The following PANK3 variants were observed in gnomAD, a reference collection of about 807,000 sequenced individuals.
PANK3 encodes hPanK3.
A neutral mutation model predicts 39.4 loss-of-function variants in PANK3; 20 were observed. That is an observed-to-expected ratio of 0.51 (90% confidence interval 0.36 to 0.74). The LOEUF is 0.74. Among genes scored for constraint, PANK3 ranks in the 30% least tolerant of loss-of-function variants. The pLI is 0.00. For missense variants in PANK3, 265 were observed against 437.0 expected, an observed-to-expected ratio of 0.61 and a Z score of 3.51; for synonymous variants, 140 against 157.3, an observed-to-expected ratio of 0.89 and a Z score of 0.82.
rs1445090485 is a variant in PANK3, at chr5:168,551,068, G to A, written c.*6503C>T. The A allele has an allele frequency of 1.3e-5, 2 of 152,136 alleles. No individual in the cohort carries two copies. The highest frequency in any genetic ancestry group is 2.4e-5 in the African/African-American group (1 of 41,454). 9.4% of individuals were successfully genotyped at this position (152,136 alleles called of 1,614,324 possible). A position where few individuals can be genotyped will look rare whatever the true frequency, so the allele number is the denominator to read the frequency against. On this transcript the variant is annotated 3_prime_UTR_variant, in exon 7 of 7. Transcript: ENST00000239231. ...TTCACACCACCATTATCGTGAATGG[G>A]CTATCCAAATACTCTTAACAGAAGG...
chr5:168,577,073 G>A (rs1561844190), intron 1 of PANK3, among the ~76,000 whole-genome samples: 1 of 151,144 alleles, frequency 6.6e-6, no homozygotes, highest in East Asian at 2.0e-4. Flanking sequence ...TAGAGATGGG[G>A]TTTCACCATG....
Position 168,557,225 on chromosome 5 carries a change from C to T in PANK3, c.*346G>A, listed in dbSNP as rs754996189. On this transcript the variant is annotated 3_prime_UTR_variant, in exon 7 of 7. Transcript: ENST00000239231. ...CAGACTTGTAACAAATATTCAGAGT[C>T]GATTATTTTCATAAGCTAAACAGTT... 3.6e-5 allele frequency: 7 copies of T among 193,634 alleles called. No individual in the cohort carries two copies. Among genetic ancestry groups the T allele is most frequent in the South Asian group, 1.5e-4 (1 of 6,532 alleles). 12.0% of individuals were successfully genotyped at this position (193,634 alleles called of 1,614,324 possible). A position where few individuals can be genotyped will look rare whatever the true frequency, so the allele number is the denominator to read the frequency against.
chr5:168,573,674 C>G (rs527819434), intron 1 of PANK3, among the ~76,000 whole-genome samples: 156 of 112,840 alleles, frequency 1.4e-3, no homozygotes, highest in African/African-American at 4.9e-3. Context: ...CCCCTCCCCC[C>G]ACCCCACAAC....
At chr5:168,561,275 G>T (rs1053238880) in intron 5 of PANK3, 118 bp downstream of exon 5, 1 of 803,510 alleles carries the variant, frequency 1.2e-6, no homozygotes, top group Non-Finnish European at 1.9e-6. Context: ...GGCATTTAAT[G>T]GGTTACATCT....
rs1346707483 is a variant in PANK3 at position 168,555,734 on chromosome 5, G to T, written c.*1837C>A. ...GGTAGTGGCTACTGCACTGGACATC[G>T]AAGTTCTAGAACTCTCTCTTACAAA... On this transcript the variant is annotated 3_prime_UTR_variant, in exon 7 of 7. Transcript: ENST00000239231. 1 of 152,176 alleles carries T rather than the reference G, an allele frequency of 6.6e-6. No homozygotes were observed. Among genetic ancestry groups the T allele is most frequent in the Non-Finnish European group, 1.5e-5 (1 of 68,020 alleles). 9.4% of individuals were successfully genotyped at this position (152,176 alleles called of 1,614,324 possible).
chr5:168,566,298 G>T, intron 2 of PANK3, 32 bp from the exon 3 acceptor site: 4 of 1,553,122 alleles, frequency 2.6e-6, no homozygotes, highest in Non-Finnish European at 3.5e-6. Flanking sequence ...AACAAAAAAG[G>T]ATGACATTCA....
intron 1 of PANK3, among the ~76,000 whole-genome samples, chr5:168,572,110 C>CTTTTT (rs34970571): frequency 9.9e-5 from 10 of 101,302 alleles, no homozygotes; most frequent in South Asian, 3.7e-4. Context: ...CAACATAGGC[C>CTTTTT]TTTTTTTTTT....
chr5:168,570,120 C>A (rs561574149), intron 1 of PANK3, among the ~76,000 whole-genome samples: 1 of 152,242 alleles, frequency 6.6e-6, no homozygotes, highest in African/African-American at 2.4e-5. Flanking sequence ...CGGTGGCTTA[C>A]GCCTGTGATC....
intron 5 of PANK3, among the ~76,000 whole-genome samples, chr5:168,559,883 C>T (rs1018767998): frequency 7.2e-5 from 11 of 152,122 alleles, no homozygotes; most frequent in South Asian, 2.1e-4. Context: ...ATTCTTTCTC[C>T]GTCCCCTGCC....
intron 4 of PANK3, among the ~76,000 whole-genome samples, chr5:168,561,932 T>C (rs1225064689): frequency 6.6e-6 from 1 of 152,206 alleles, no homozygotes; most frequent in Non-Finnish European, 1.5e-5. Context: ...AAACAGTGAA[T>C]TAGTCTAGTG....
At chr5:168,567,243 T>C (rs1759550844) in intron 2 of PANK3, among the ~76,000 whole-genome samples, 1 of 152,232 alleles carries the variant, frequency 6.6e-6, no homozygotes. Context: ...TGTGTAGCTT[T>C]GGTATTCATG....
In PANK3 at chr5:168,557,283, G is replaced by A; in HGVS notation, c.*288C>T. On this transcript the variant is annotated 3_prime_UTR_variant, in exon 7 of 7. Coordinates refer to ENST00000239231, the MANE Select transcript of PANK3 (RefSeq NM_024594.4). Reference sequence around the variant, plus strand: ...TTTAAGATTTGTGTTTGAGCATACAGTACTGCAATGTTGGCTACATAAAAT... The same window carrying A: ...TTTAAGATTTGTGTTTGAGCATACAATACTGCAATGTTGGCTACATAAAAT... 2.9e-6 allele frequency: 1 copy of A among 341,956 alleles called. No individual in the cohort carries two copies. Among genetic ancestry groups the A allele is most frequent in the Non-Finnish European group, 5.4e-6 (1 of 183,646 alleles). The allele number at this position is 341,956 out of a possible 1,614,324, so 21.2% of individuals were successfully genotyped here.
At chr5:168,558,353 C>T (rs1260518114) in intron 6 of PANK3, among the ~76,000 whole-genome samples, 1 of 151,712 alleles carries the variant, frequency 6.6e-6, no homozygotes, top group Non-Finnish European at 1.5e-5. Context: ...TTAGTAGAGA[C>T]GGGGTTTCAC....
chr5:168,565,885 A>ATATATATATT (rs1441027360), intron 3 of PANK3, 128 bp downstream of exon 3: 2 of 192,932 alleles, frequency 1.0e-5, no homozygotes, highest in African/African-American at 5.3e-5. Context: ...ATATATATAT[A>ATATATATATT]TTTTTTTTTT....
At chr5:168,573,868 T>C (rs1370164067) in intron 1 of PANK3, among the ~76,000 whole-genome samples, 1 of 152,166 alleles carries the variant, frequency 6.6e-6, no homozygotes, top group Non-Finnish European at 1.5e-5. Flanking sequence ...TATGGCTGCA[T>C]AGTATTCCAT....
At position 168,569,539 on chromosome 5, in the gene PANK3, G is replaced by A. The variant is rs186237904; in HGVS notation, c.29-541C>T. On this transcript the variant is annotated intron_variant, in intron 1 of 6. Transcript: ENST00000239231. The stretch of plus-strand genomic sequence containing the variant: ...TTTCTAAAAACGTATAGGGTGCTTA[G>A]AGTTGACCCAGGATCTTTTAATTCC... 4.6e-5 allele frequency among the ~76,000 whole-genome samples: 7 copies of A among 152,158 alleles called. No homozygotes were observed. The East Asian group carries it at 7.7e-4, about 17-fold the overall frequency.
rs563071931 is a variant in PANK3, at chr5:168,556,527, G to T, written c.*1044C>A. The T allele has an allele frequency of 6.6e-6, 1 of 152,546 alleles. No homozygotes were observed. Among genetic ancestry groups the T allele is most frequent in the South Asian group, 2.1e-4 (1 of 4,822 alleles). 9.4% of individuals were successfully genotyped at this position (152,546 alleles called of 1,614,324 possible). A position where few individuals can be genotyped will look rare whatever the true frequency, so the allele number is the denominator to read the frequency against. ...TCAGGTCTCACCATTCCCTCTGGTT[G>T]TTGAGCCTTTGGATAAAAATCCACA... On this transcript the variant is annotated 3_prime_UTR_variant, in exon 7 of 7. Transcript: ENST00000239231.
chr5:168,561,383 G>A lies in PANK3; in HGVS notation c.936+10C>T. 6.4e-7 allele frequency: 1 copy of A among 1,561,914 alleles called. No homozygotes were observed. The highest frequency in any genetic ancestry group is 8.6e-7 in the Non-Finnish European group (1 of 1,159,006). The stretch of plus-strand genomic sequence containing the variant: ...TGATAATTCAAGTTTTGTGTTTTTT[G>A]TTTTTTTACCTCATTAACAGCACAC... On this transcript the variant is annotated intron_variant, in intron 5 of 6. Coordinates refer to ENST00000239231, the MANE Select transcript of PANK3 (RefSeq NM_024594.4).
In PANK3 at chr5:168,556,054, T is replaced by G. The variant is rs1759344486; in HGVS notation, c.*1517A>C. On this transcript the variant is annotated 3_prime_UTR_variant, in exon 7 of 7. Transcript: ENST00000239231. ...GAATTTGCATTCGTTACTTCAAAAT[T>G]CAGACTCATCTACCTTTCCAAGTTA... The G allele has an allele frequency of 6.6e-6, 1 of 152,254 alleles. No homozygotes were observed. The highest frequency in any genetic ancestry group is 1.5e-5 in the Non-Finnish European group (1 of 68,050). 9.4% of individuals were successfully genotyped at this position (152,254 alleles called of 1,614,324 possible).
Sources: gnomAD v4.1 joint callset for allele counts (sites outside exome capture counted in the v4.1 genomes callset) on GRCh38, gnomAD v4.1.1 for gene constraint, MANE v1.5 for transcripts, NCBI Gene and HGNC (gene_info 2026-07-23, HGNC 2026-07-21) for gene names.